The following TRDN variants were observed in gnomAD, a reference collection of about 807,000 sequenced individuals.
TRDN encodes triadin in skeletal muscle.
In TRDN, 161 loss-of-function variants were observed where a neutral mutation model predicts 149.7. The ratio of observed to expected loss-of-function variants is 1.08; its 90% CI spans 0.95 to 1.23. TRDN has a LOEUF of 1.23. TRDN is among the 50% of genes most tolerant of loss of function. TRDN has a pLI of 0.00. For synonymous variants in TRDN, 294 were observed against 250.5 expected (o/e 1.17, Z -1.64); for missense variants, 896 against 823.5 (o/e 1.09, Z -1.08).
At chr6:123,425,976 T>C (rs902736850) in intron 12 of TRDN, among the ~76,000 whole-genome samples, 11 of 152,110 alleles carry the variant, frequency 7.2e-5, no homozygotes, top group Admixed American at 3.3e-4. Context: ...CTGCTGAGAA[T>C]GACCTTAGAA....
At chr6:123,344,530 T>C (rs1780183725) in intron 21 of TRDN, among the ~76,000 whole-genome samples, 1 of 152,064 alleles carries the variant, frequency 6.6e-6, no homozygotes, top group Non-Finnish European at 1.5e-5. Flanking sequence ...TTATACAACA[T>C]GTTGACTCTT....
chr6:123,259,343 G>C (rs965656318), intron 35 of TRDN, among the ~76,000 whole-genome samples: 9 of 152,064 alleles, frequency 5.9e-5, no homozygotes, highest in Admixed American at 5.3e-4. Flanking sequence ...TCACAGTTCA[G>C]TAGTAATATG....
rs11373802 is a variant in TRDN at position 123,260,644 on chromosome 6, GA to G, written c.1805-7del. On this transcript the variant is annotated splice_polypyrimidine_tract_variant and splice_region_variant and intron_variant, in intron 33 of 40. Transcript: ENST00000334268. ...TGTGACTTCTGATGTTCCTTCTTTA[GA>G]AAAAAAAAAAAAAAGAATGTAGAAA... The G allele has an allele frequency of 0.02, 21,262 of 1,049,102 alleles. 1 individual carries two copies. The highest frequency in any genetic ancestry group is 0.022 in the Non-Finnish European group (17,539 of 799,012). The allele number at this position is 1,049,102 out of a possible 1,614,324, so 65.0% of individuals were successfully genotyped here. A position where few individuals can be genotyped will look rare whatever the true frequency, so the allele number is the denominator to read the frequency against.
intron 9 of TRDN, among the ~76,000 whole-genome samples, chr6:123,496,076 A>G (rs1223485759): frequency 6.8e-6 from 1 of 147,038 alleles, no homozygotes; most frequent in Non-Finnish European, 1.5e-5. Context: ...TATTAATATT[A>G]ATATAATATA....
chr6:123,522,900 C>A (rs1303623733), intron 5 of TRDN, among the ~76,000 whole-genome samples: 6 of 152,032 alleles, frequency 3.9e-5, no homozygotes, highest in Non-Finnish European at 7.4e-5. Flanking sequence ...CTGGTGAAAA[C>A]CTGAGAAGAC....
At chr6:123,328,586 AC>A (rs528790753) in intron 23 of TRDN, among the ~76,000 whole-genome samples, 398 of 152,210 alleles carry the variant, frequency 2.6e-3, no homozygotes, top group African/African-American at 9.2e-3. Flanking sequence ...TGGCTCCAAA[AC>A]TTGCCTCATA....
At chr6:123,231,678 T>G (rs1474149516) in intron 38 of TRDN, among the ~76,000 whole-genome samples, 1 of 152,064 alleles carries the variant, frequency 6.6e-6, no homozygotes, top group Non-Finnish European at 1.5e-5. Flanking sequence ...CCAATCATTT[T>G]AAAGTTTGGA....
intron 5 of TRDN, among the ~76,000 whole-genome samples, chr6:123,519,226 G>A (rs895173142): frequency 6.6e-6 from 1 of 152,154 alleles, no homozygotes; most frequent in African/African-American, 2.4e-5. Context: ...CAGTTGGAAT[G>A]GCCCTGATGT....
intron 2 of TRDN, among the ~76,000 whole-genome samples, chr6:123,556,391 C>T (rs2114475169): frequency 6.6e-6 from 1 of 152,230 alleles, no homozygotes; most frequent in East Asian, 1.9e-4. Context: ...TTGAAATTTT[C>T]TGGAGTCTCT....
chr6:123,378,869 A>G (rs1781610516), intron 16 of TRDN, among the ~76,000 whole-genome samples: 1 of 152,092 alleles, frequency 6.6e-6, no homozygotes, highest in South Asian at 2.1e-4. Context: ...TACTTTTGTC[A>G]ATATTGTATG....
At chr6:123,614,104 C>A (rs1403824805) in intron 1 of TRDN, among the ~76,000 whole-genome samples, 1 of 151,772 alleles carries the variant, frequency 6.6e-6, no homozygotes, top group Non-Finnish European at 1.5e-5. Context: ...GTTAGGAATG[C>A]AGGTTCTCAG....
rs114818555 is a variant in TRDN, at chr6:123,261,243, T to G, written c.1805-605A>C. Among the ~76,000 whole-genome samples the G allele has an allele frequency of 2.9e-3, 444 of 152,006 alleles. 3 individuals carry two copies. Among genetic ancestry groups the G allele is most frequent in the African/African-American group, 1.0e-2 (414 of 41,564 alleles). On this transcript the variant is annotated intron_variant, in intron 33 of 40. Transcript: ENST00000334268. Reference sequence around the variant, plus strand: ...CTGTTACATTTTTAATCTTCATTGATGCATGCAAACATTCATTCATATAAT... The same window carrying G: ...CTGTTACATTTTTAATCTTCATTGAGGCATGCAAACATTCATTCATATAAT...
intron 1 of TRDN, among the ~76,000 whole-genome samples, chr6:123,603,786 G>A (rs182904155): frequency 1.3e-5 from 2 of 152,096 alleles, no homozygotes; most frequent in East Asian, 1.9e-4. Context: ...CAATCACTTC[G>A]TAAAAGTTAG....
At chr6:123,396,105 T>A (rs1189982294) in intron 12 of TRDN, among the ~76,000 whole-genome samples, 2 of 152,176 alleles carry the variant, frequency 1.3e-5, no homozygotes, top group Non-Finnish European at 2.9e-5. Flanking sequence ...AGGGGAGGAA[T>A]CGACCCTGAG....
intron 8 of TRDN, chr6:123,502,146 C>G: frequency 1.3e-5 from 13 of 983,738 alleles, no homozygotes; most frequent in Non-Finnish European, 1.6e-5. Context: ...TTTTGAACAG[C>G]AATCTAAAGT....
intron 10 of TRDN, among the ~76,000 whole-genome samples, chr6:123,462,538 C>A (rs886255264): frequency 6.6e-6 from 1 of 152,024 alleles, no homozygotes; most frequent in East Asian, 1.9e-4. Flanking sequence ...CTCCTGTGAA[C>A]AAATTTAATA....
chr6:123,458,305 A>G (rs973983927), intron 10 of TRDN, among the ~76,000 whole-genome samples: 1 of 152,188 alleles, frequency 6.6e-6, no homozygotes, highest in Admixed American at 6.5e-5. Context: ...CACTTATTTG[A>G]TCAAAGATAA....
chr6:123,241,400 T>A (rs967326385), intron 38 of TRDN, among the ~76,000 whole-genome samples: 5 of 151,536 alleles, frequency 3.3e-5, no homozygotes, highest in Non-Finnish European at 5.9e-5. Flanking sequence ...TAAACTTTTA[T>A]ATCTATGAAA....
At chr6:123,544,313 A>G (rs1781007503) in intron 4 of TRDN, among the ~76,000 whole-genome samples, 1 of 150,490 alleles carries the variant, frequency 6.6e-6, no homozygotes, top group Non-Finnish European at 1.5e-5. Flanking sequence ...GGGCAATGTT[A>G]CTTAATTTTT....
Sources: gnomAD v4.1 joint callset for allele counts (sites outside exome capture counted in the v4.1 genomes callset) on GRCh38, gnomAD v4.1.1 for gene constraint, MANE v1.5 for transcripts, NCBI Gene and HGNC (gene_info 2026-07-23, HGNC 2026-07-21) for gene names.